KYNU: variants seen among roughly 807,000 people sequenced by gnomAD.
KYNU encodes the protein kynureninase.
Under a neutral mutation model 59.2 loss-of-function variants are expected in KYNU, and 54 were observed. The ratio of observed to expected loss-of-function variants is 0.91; its 90% confidence interval spans 0.73 to 1.14. KYNU has a LOEUF of 1.14. KYNU is among the 50% of genes most tolerant of loss of function. KYNU has a pLI of 0.00. For synonymous variants in KYNU, 177 were observed against 192.0 expected, an observed-to-expected ratio of 0.92 and a Z score of 0.65; for missense variants, 567 against 554.4, an observed-to-expected ratio of 1.02 and a Z score of -0.23.
intron 3 of KYNU, among the ~76,000 whole-genome samples, chr2:142,921,611 C>A (rs1236251451): frequency 6.6e-6 from 1 of 152,030 alleles, no homozygotes; most frequent in Non-Finnish European, 1.5e-5. Flanking sequence ...AGTTCCAGAC[C>A]AACCTGGGCA....
rs1483957611 is a variant in KYNU at position 143,007,815 on chromosome 2, T to C, written c.902+21794T>C. Among the ~76,000 whole-genome samples, 4 of 122,746 alleles carry C rather than the reference T, an allele frequency of 3.3e-5. 1 individual carries two copies. The highest frequency in any genetic ancestry group is 6.5e-5 in the Non-Finnish European group (4 of 61,148). 80.5% of individuals were successfully genotyped at this position (122,746 alleles called of 152,430 possible). On this transcript the variant is annotated intron_variant, in intron 10 of 13. Transcript: ENST00000264170. Reference sequence around the variant, plus strand: ...TCATACCCAGCCAAACTAAGCTTCATAAGTGAAGGAGAAATAAAATACTTT... The same window carrying C: ...TCATACCCAGCCAAACTAAGCTTCACAAGTGAAGGAGAAATAAAATACTTT...
intron 10 of KYNU, among the ~76,000 whole-genome samples, chr2:143,013,832 C>G (rs1265742359): frequency 3.3e-5 from 5 of 152,208 alleles, no homozygotes; most frequent in Non-Finnish European, 7.3e-5. Context: ...GGACCCACAG[C>G]CATCTCCTGG....
intron 2 of KYNU, among the ~76,000 whole-genome samples, chr2:142,912,183 C>T (rs1682500824): frequency 6.6e-6 from 1 of 151,850 alleles, no homozygotes; most frequent in African/African-American, 2.4e-5. Flanking sequence ...TGGCACAGGA[C>T]TTTTTTTGGT....
chr2:142,885,871 T>C (rs1350022957), intron 2 of KYNU, among the ~76,000 whole-genome samples: 1 of 152,216 alleles, frequency 6.6e-6, no homozygotes, highest in Non-Finnish European at 1.5e-5. Context: ...TATTTTAGAA[T>C]GCAGTGTTAG....
At chr2:142,896,694 C>G (rs1055902983) in intron 2 of KYNU, among the ~76,000 whole-genome samples, 9 of 152,064 alleles carry the variant, frequency 5.9e-5, no homozygotes, top group African/African-American at 2.2e-4. Context: ...GCTTTGTTGC[C>G]CAGACTGGTC....
At chr2:142,963,588 T>G (rs895090044) in intron 8 of KYNU, among the ~76,000 whole-genome samples, 5 of 152,164 alleles carry the variant, frequency 3.3e-5, no homozygotes, top group African/African-American at 1.2e-4. Context: ...AATCATGACT[T>G]AATCATTTCC....
chr2:142,986,110 C>G, intron 10 of KYNU, 89 bp downstream of exon 10: 1 of 871,182 alleles, frequency 1.1e-6, no homozygotes, highest in East Asian at 2.5e-5. Flanking sequence ...CCTTAAGATG[C>G]TATCCAATAG....
rs550905050 is a variant in KYNU, at chr2:142,970,294, A to G, written c.729+9524A>G. Among the ~76,000 whole-genome samples the G allele has an allele frequency of 5.9e-5, 9 of 152,326 alleles. No homozygotes were observed. In the South Asian group the frequency reaches 6.2e-4, roughly 11 times the overall value. ...AAAGAAGATAATCATCATATTGTCTATAAAACCTGGCATCAAAGGAAGCAA... is the reference window on the plus strand; with the variant it reads ...AAAGAAGATAATCATCATATTGTCTGTAAAACCTGGCATCAAAGGAAGCAA... On this transcript the variant is annotated intron_variant, in intron 8 of 13. Coordinates refer to ENST00000264170, the MANE Select transcript of KYNU (RefSeq NM_003937.3).
intron 10 of KYNU, among the ~76,000 whole-genome samples, chr2:143,011,811 G>A (rs1428013331): frequency 1.7e-3 from 207 of 124,296 alleles, no homozygotes; most frequent in African/African-American, 6.5e-3. Context: ...ACTATCACAA[G>A]AACAAAAAAC....
chr2:143,005,907 T>A (rs1284129153), intron 10 of KYNU, among the ~76,000 whole-genome samples: 1 of 152,134 alleles, frequency 6.6e-6, no homozygotes, highest in Non-Finnish European at 1.5e-5. Flanking sequence ...ATTGCTTCAG[T>A]TCATGCTGTG....
chr2:142,927,013 A>T (rs1683066337), intron 3 of KYNU, among the ~76,000 whole-genome samples: 1 of 152,104 alleles, frequency 6.6e-6, no homozygotes, highest in Non-Finnish European at 1.5e-5. Context: ...ATTTCATGGA[A>T]ATTTCTTGAA....
rs78972426 is a variant in KYNU at position 143,049,599 on chromosome 2, A to G, written c.*7427A>G. The G allele has an allele frequency of 0.083, 12,579 of 152,202 alleles. 730 individuals are homozygous for G. The highest frequency in any genetic ancestry group is 0.21 in the East Asian group (1,103 of 5,176). The allele number at this position is 152,202 out of a possible 1,614,324, so 9.4% of individuals were successfully genotyped here. A position where few individuals can be genotyped will look rare whatever the true frequency, so the allele number is the denominator to read the frequency against. ...CATCCCTTGCCCAGCTCTTTTGGTG[A>G]TCCCCTTCACTTCCTCTGTTACAGG... On this transcript the variant is annotated 3_prime_UTR_variant, in exon 14 of 14. Transcript: ENST00000264170.
chr2:142,951,419 A>T (rs1023385160), intron 4 of KYNU, among the ~76,000 whole-genome samples: 1 of 152,186 alleles, frequency 6.6e-6, no homozygotes, highest in African/African-American at 2.4e-5. Context: ...GCTGGATGTC[A>T]TGTAACAGAG....
chr2:142,885,920 T>G (rs1681493024), intron 2 of KYNU, among the ~76,000 whole-genome samples: 1 of 152,232 alleles, frequency 6.6e-6, no homozygotes, highest in Non-Finnish European at 1.5e-5. Flanking sequence ...TATAATAATA[T>G]GATGTTTGTC....
chr2:142,976,179 G>A (rs1684873928), intron 8 of KYNU, among the ~76,000 whole-genome samples: 2 of 152,158 alleles, frequency 1.3e-5, no homozygotes, highest in Admixed American at 1.3e-4. Context: ...TGTGCTGGAG[G>A]GGGCCACATG....
At chr2:142,959,812 C>G (rs895807501) in intron 7 of KYNU, among the ~76,000 whole-genome samples, 3 of 152,088 alleles carry the variant, frequency 2.0e-5, no homozygotes, top group African/African-American at 7.2e-5. Context: ...TTGTTTGGGT[C>G]TTGAGCTTTA....
At chr2:142,960,263 A>G (rs146173116) in intron 7 of KYNU, among the ~76,000 whole-genome samples, 6 of 152,334 alleles carry the variant, frequency 3.9e-5, no homozygotes, top group South Asian at 2.1e-4. Flanking sequence ...TTATCTTGCT[A>G]TATAATACTT....
intron 1 of KYNU, among the ~76,000 whole-genome samples, 179 bp downstream of exon 1, chr2:142,877,915 G>T (rs1681152940): frequency 6.6e-6 from 1 of 151,796 alleles, no homozygotes; most frequent in Non-Finnish European, 1.5e-5. Context: ...CTTCCTAAAG[G>T]CCCCACCTTT....
chr2:142,885,270 A>G (rs1021807540), intron 1 of KYNU, 79 bp from the exon 2 acceptor site: 2 of 1,150,342 alleles, frequency 1.7e-6, no homozygotes, highest in African/African-American at 3.1e-5. Context: ...TAGTGAAAAC[A>G]AAAGGTGTAT....
Sources: allele counts gnomAD v4.1 joint callset (sites outside exome capture counted in the v4.1 genomes callset), GRCh38; gene constraint gnomAD v4.1.1; transcripts MANE v1.5; gene names NCBI Gene and HGNC (gene_info 2026-07-23, HGNC 2026-07-21).